Variants in DSC3 observed in about 807,000 individuals in gnomAD.
DSC3 encodes desmocollin-3.
A neutral mutation model predicts 89.5 loss-of-function variants in DSC3; 97 were observed. The ratio of observed to expected loss-of-function variants is 1.08; its 90% CI spans 0.92 to 1.28. The LOEUF (loss-of-function observed/expected upper bound fraction) is 1.28, where lower values mean the gene tolerates loss of function less well. DSC3 is among the 50% of genes most tolerant of loss of function. The pLI, the probability that DSC3 is intolerant of heterozygous loss-of-function variation, is 0.00. For synonymous variants in DSC3, 436 were observed against 384.1 expected (o/e 1.14, Z -1.58); for missense variants, 1,199 against 1,085.3 (o/e 1.10, Z -1.47).
Position 31,004,151 on chromosome 18 carries a change from G to A in DSC3, c.2104C>T (p.Leu702=), listed in dbSNP as rs1198057643. Residue 702 remains leucine (L), a synonymous_variant, in exon 13 of 16, where the codon CTG becomes TTG. Coordinates refer to ENST00000360428, the MANE Select transcript of DSC3 (RefSeq NM_001941.5). ...AAGTGAAAATACTTACAAAAGAGCA[G>A]TGCTATACCCAGTAATATTGCAAGG... ...AILAILLGIA[L]LFSVLLTLVC... 4 of 1,609,054 alleles carry A rather than the reference G, an allele frequency of 2.5e-6. No homozygotes were observed. The Admixed American group carries it at 6.7e-5, about 27-fold the overall frequency.
intron 14 of DSC3, among the ~76,000 whole-genome samples, chr18:30,998,974 A>G (rs1446746823): frequency 6.6e-6 from 1 of 152,216 alleles, no homozygotes; most frequent in Non-Finnish European, 1.5e-5. Context: ...TTCAGTTTGA[A>G]AGAAAAAGAG....
Position 30,992,045 on chromosome 18 carries a change from G to T in DSC3, c.*2130C>A. The stretch of plus-strand genomic sequence containing the variant: ...CCGGGCGTGGTGGTGGGCGCCTGTA[G>T]TCCCAGCTACTCAGGAGGCTGAGGC... On this transcript the variant is annotated 3_prime_UTR_variant, in exon 16 of 16. Coordinates refer to ENST00000360428, the MANE Select transcript of DSC3 (RefSeq NM_001941.5). The T allele has an allele frequency of 6.6e-6, 1 of 151,600 alleles. No individual in the cohort carries two copies. Among genetic ancestry groups the T allele is most frequent in the Non-Finnish European group, 1.5e-5 (1 of 68,012 alleles). 9.4% of individuals were successfully genotyped at this position (151,600 alleles called of 1,614,324 possible).
intron 1 of DSC3, among the ~76,000 whole-genome samples, chr18:31,036,948 A>AC (rs1163161184): frequency 4.0e-5 from 6 of 150,608 alleles, no homozygotes; most frequent in Non-Finnish European, 8.9e-5. Context: ...GCCTGCCACC[A>AC]CCCCCAGCTA....
intron 7 of DSC3, among the ~76,000 whole-genome samples, chr18:31,020,121 A>G (rs1486011964): frequency 6.6e-6 from 1 of 152,208 alleles, no homozygotes; most frequent in East Asian, 1.9e-4. Flanking sequence ...TCTAAGGAGT[A>G]AAGTCCAAAA....
chr18:31,015,606 C>G (rs1985209654), intron 9 of DSC3, among the ~76,000 whole-genome samples: 1 of 152,132 alleles, frequency 6.6e-6, no homozygotes, highest in Non-Finnish European at 1.5e-5. Flanking sequence ...GACAAAACCT[C>G]TGATATTAAA....
chr18:31,016,123 C>A (rs932373359), intron 9 of DSC3, among the ~76,000 whole-genome samples: 3 of 152,132 alleles, frequency 2.0e-5, no homozygotes, highest in Non-Finnish European at 4.4e-5. Flanking sequence ...CCCTCAGTTC[C>A]AGGAACTCCT....
chr18:31,031,597 T>C (rs1044241759), intron 2 of DSC3, among the ~76,000 whole-genome samples: 8 of 152,126 alleles, frequency 5.3e-5, no homozygotes, highest in Non-Finnish European at 1.0e-4. Flanking sequence ...CAAAGAGCAA[T>C]GGAGTGTATG....
chr18:30,992,973 T>A lies in DSC3; in HGVS notation c.*1202A>T, dbSNP rs1384799281. 6.6e-6 allele frequency: 1 copy of A among 152,162 alleles called. No individual in the cohort carries two copies. Among genetic ancestry groups the A allele is most frequent in the African/African-American group, 2.4e-5 (1 of 41,418 alleles). The allele number at this position is 152,162 out of a possible 1,614,324, so 9.4% of individuals were successfully genotyped here. On this transcript the variant is annotated 3_prime_UTR_variant, in exon 16 of 16. Transcript: ENST00000360428. ...GAAATTTTGTAGCTCCCAGACCTGATCAGGTGTCAAGTTTGTGGGGCTTAG... is the reference window on the plus strand; with the variant it reads ...GAAATTTTGTAGCTCCCAGACCTGAACAGGTGTCAAGTTTGTGGGGCTTAG...
chr18:31,042,098 C>T (rs1489773112), intron 1 of DSC3, among the ~76,000 whole-genome samples: 3 of 152,122 alleles, frequency 2.0e-5, no homozygotes, highest in Admixed American at 2.0e-4. Context: ...CCAAGGGACC[C>T]AGGGACACAG....
intron 11 of DSC3, 134 bp downstream of exon 11, chr18:31,007,882 G>T: frequency 1.2e-6 from 1 of 842,704 alleles, no homozygotes; most frequent in Non-Finnish European, 1.8e-6. Flanking sequence ...AGATAATTAA[G>T]AGAGACAGAA....
At position 30,997,063 on chromosome 18, in the gene DSC3, T is replaced by C; in HGVS notation, c.2236-15A>G. 1.2e-6 allele frequency: 2 copies of C among 1,614,090 alleles called. No individual in the cohort carries two copies. Among genetic ancestry groups the C allele is most frequent in the Non-Finnish European group, 1.7e-6 (2 of 1,179,958 alleles). On this transcript the variant is annotated splice_polypyrimidine_tract_variant and intron_variant, in intron 14 of 15. Transcript: ENST00000360428. The stretch of plus-strand genomic sequence containing the variant: ...TTGGCAGAGCACTGAAATAATAAAA[T>C]GAAATAATTCATGTTGAGAGGAAAT...
intron 12 of DSC3, 73 bp from the exon 13 acceptor site, chr18:31,004,439 T>C (rs1480575717): frequency 5.6e-6 from 8 of 1,422,472 alleles, no homozygotes; most frequent in African/African-American, 1.4e-5. Context: ...TCATCACGCT[T>C]GTTTTTGAAG....
In DSC3 at chr18:30,990,889, A is replaced by G. The variant is rs1301316870; in HGVS notation, c.*3286T>C. 1.3e-5 allele frequency: 2 copies of G among 152,210 alleles called. No homozygotes were observed. Among genetic ancestry groups the G allele is most frequent in the African/African-American group, 4.8e-5 (2 of 41,446 alleles). 9.4% of individuals were successfully genotyped at this position (152,210 alleles called of 1,614,324 possible). ...GCTTCAAAATAGTGATCTCTTCCCA[A>G]CATTACAATATATATTAATGATGTC... On this transcript the variant is annotated 3_prime_UTR_variant, in exon 16 of 16. Transcript: ENST00000360428.
At chr18:31,014,037 T>C (rs562246967) in intron 9 of DSC3, among the ~76,000 whole-genome samples, 19 of 152,278 alleles carry the variant, frequency 1.2e-4, no homozygotes, top group Admixed American at 1.0e-3. Flanking sequence ...ATGATGGATA[T>C]TTTACTGTAA....
intron 1 of DSC3, among the ~76,000 whole-genome samples, chr18:31,039,200 C>T (rs1986061219): frequency 6.6e-6 from 1 of 152,042 alleles, no homozygotes; most frequent in African/African-American, 2.4e-5. Flanking sequence ...TAGTACTAAG[C>T]AAATTGTATT....
rs1448842247 is a variant in DSC3, at chr18:30,996,957, T to C, written c.2327A>G (p.Gln776Arg). Residue 776 changes from glutamine (Q) to arginine (R), a missense_variant, in exon 15 of 16, where the codon CAG (glutamine) becomes CGG (arginine). Gln to Arg is a conservative substitution (Grantham distance 43). Transcript: ENST00000360428. ...TMGSGMKNGG[Q>R]ETIEMMKGGN... ...TCCTTTCATCATTTCAATGGTTTCCTGCCCTCCATTTTTCATTCCTGATCC... is the reference window on the plus strand; with the variant it reads ...TCCTTTCATCATTTCAATGGTTTCCCGCCCTCCATTTTTCATTCCTGATCC... 6.2e-7 allele frequency: 1 copy of C among 1,614,168 alleles called. No individual in the cohort carries two copies. The highest frequency in any genetic ancestry group is 1.1e-5 in the South Asian group (1 of 91,082).
At chr18:31,007,777 G>A (rs1984903824) in intron 11 of DSC3, among the ~76,000 whole-genome samples, 1 of 152,032 alleles carries the variant, frequency 6.6e-6, no homozygotes, top group African/African-American at 2.4e-5. Flanking sequence ...TTGTCCTCTA[G>A]CATAGAAATA....
Position 30,994,380 on chromosome 18 carries a change from A to T in DSC3, c.2494-8T>A, listed in dbSNP as rs773282546. On this transcript the variant is annotated splice_polypyrimidine_tract_variant and splice_region_variant and intron_variant, in intron 15 of 15. Transcript: ENST00000360428. Reference sequence around the variant, plus strand: ...ATTACATCGATGCAATTTCTGTAAAATTTTTTAAAAAATGAATTGCATTAT... The same window carrying T: ...ATTACATCGATGCAATTTCTGTAAATTTTTTTAAAAAATGAATTGCATTAT... 5 of 1,613,006 alleles carry T rather than the reference A, an allele frequency of 3.1e-6. No individual in the cohort carries two copies. Among genetic ancestry groups the T allele is most frequent in the Admixed American group, 3.3e-5 (2 of 59,934 alleles).
At position 31,006,956 on chromosome 18, in the gene DSC3, G is replaced by A. The variant is rs1196079904; in HGVS notation, c.1839C>T (p.Pro613=). ...GTCTACTGATTTCTGGAGAAGTATT[G>A]GGCAAACTGAAATAAAATGGAGCTC... ...VHGAPFYFSL[P]NTSPEISRLW... Residue 613 remains proline, a synonymous_variant, in exon 12 of 16, where the codon CCC becomes CCT. Coordinates refer to ENST00000360428, the MANE Select transcript of DSC3 (RefSeq NM_001941.5). 1.2e-6 allele frequency: 2 copies of A among 1,613,732 alleles called. No individual in the cohort carries two copies. Among genetic ancestry groups the A allele is most frequent in the East Asian group, 2.2e-5 (1 of 44,810 alleles).
Sources: gnomAD v4.1 joint callset for allele counts (sites outside exome capture counted in the v4.1 genomes callset) on GRCh38, gnomAD v4.1.1 for gene constraint, MANE v1.5 for transcripts, NCBI Gene and HGNC (gene_info 2026-07-23, HGNC 2026-07-21) for gene names.